Variants in ACAP2 observed in about 807,000 individuals in gnomAD.
ACAP2 encodes the protein ArfGAP with coiled-coil, ankyrin repeat and PH domains 2, also known as arf-GAP with coiled-coil, ANK repeat and PH domain-containing protein 2.
ACAP2 carries 39 observed loss-of-function variants against 115.8 expected under a neutral mutation model. The ratio of observed to expected loss-of-function variants is 0.34; its 90% CI spans 0.26 to 0.44. The LOEUF (loss-of-function observed/expected upper bound fraction) is 0.44. ACAP2 is among the 20% of genes least tolerant of loss of function. The pLI is 1.00. For synonymous variants in ACAP2, 289 were observed against 315.8 expected (o/e 0.92, Z 0.90); for missense variants, 662 against 927.6 (o/e 0.71, Z 3.72).
At chr3:195,315,236 G>A (rs1729012594) in intron 10 of ACAP2, among the ~76,000 whole-genome samples, 2 of 152,178 alleles carry the variant, frequency 1.3e-5, no homozygotes, top group Non-Finnish European at 2.9e-5. Flanking sequence ...GCCCAAGCTG[G>A]TCTCCAATTC....
chr3:195,314,784 C>T (rs1391322662), intron 10 of ACAP2, among the ~76,000 whole-genome samples: 2 of 152,158 alleles, frequency 1.3e-5, no homozygotes, highest in Non-Finnish European at 2.9e-5. Flanking sequence ...AATTAACTCA[C>T]CAATATCATA....
At chr3:195,420,330 A>T (rs1221795976) in intron 1 of ACAP2, among the ~76,000 whole-genome samples, 1 of 151,910 alleles carries the variant, frequency 6.6e-6, no homozygotes, top group African/African-American at 2.4e-5. Context: ...CATTTTCATT[A>T]TATCTTTTTC....
At chr3:195,349,108 G>A (rs999271595) in intron 4 of ACAP2, among the ~76,000 whole-genome samples, 3 of 152,100 alleles carry the variant, frequency 2.0e-5, no homozygotes, top group Non-Finnish European at 4.4e-5. Flanking sequence ...AGTTTAAGAA[G>A]GCTGTAGAAA....
intron 1 of ACAP2, among the ~76,000 whole-genome samples, chr3:195,412,370 A>G (rs1020759349): frequency 6.6e-6 from 1 of 151,516 alleles, no homozygotes; most frequent in African/African-American, 2.4e-5. Context: ...TCTTGAGGTC[A>G]GGAGTTCGAG....
At chr3:195,302,364 T>C (rs1728120199) in intron 13 of ACAP2, among the ~76,000 whole-genome samples, 190 bp from the exon 14 acceptor site, 1 of 152,190 alleles carries the variant, frequency 6.6e-6, no homozygotes, top group South Asian at 2.1e-4. Flanking sequence ...GAGCTTTTAT[T>C]CCAGTGGGGA....
At chr3:195,380,071 A>T (rs985819498) in intron 4 of ACAP2, among the ~76,000 whole-genome samples, 1 of 152,192 alleles carries the variant, frequency 6.6e-6, no homozygotes, top group Admixed American at 6.5e-5. Context: ...CTCTGTAGAA[A>T]ACAGTTTGGC....
At chr3:195,310,391 G>A (rs984795363) in intron 10 of ACAP2, among the ~76,000 whole-genome samples, 3 of 152,186 alleles carry the variant, frequency 2.0e-5, no homozygotes, top group Non-Finnish European at 2.9e-5. Flanking sequence ...CAGATAGTTG[G>A]TTAGAAATGT....
At chr3:195,305,250 G>A (rs965759983) in intron 13 of ACAP2, among the ~76,000 whole-genome samples, 3 of 151,968 alleles carry the variant, frequency 2.0e-5, no homozygotes, top group African/African-American at 4.8e-5. Context: ...CAACACACAC[G>A]GACACAAAAA....
chr3:195,357,231 T>C (rs532071806), intron 4 of ACAP2, among the ~76,000 whole-genome samples: 1 of 152,066 alleles, frequency 6.6e-6, no homozygotes, highest in African/African-American at 2.4e-5. Context: ...GTGACTCCAC[T>C]GCCTGGGGAG....
intron 4 of ACAP2, among the ~76,000 whole-genome samples, chr3:195,363,434 G>A (rs1435730801): frequency 6.6e-6 from 1 of 152,038 alleles, no homozygotes; most frequent in Non-Finnish European, 1.5e-5. Flanking sequence ...CCTGAGGTTG[G>A]GAGTTCGAGA....
intron 10 of ACAP2, among the ~76,000 whole-genome samples, chr3:195,313,483 G>A (rs1029821012): frequency 4.6e-4 from 70 of 152,104 alleles, no homozygotes; most frequent in African/African-American, 1.6e-3. Flanking sequence ...TAAAATATTA[G>A]GCAAATAAAC....
intron 1 of ACAP2, among the ~76,000 whole-genome samples, chr3:195,439,424 T>C (rs1277490319): frequency 6.6e-6 from 1 of 151,812 alleles, no homozygotes; most frequent in Non-Finnish European, 1.5e-5. Context: ...AGCGATCCTC[T>C]TGTCTCAGCC....
intron 1 of ACAP2, among the ~76,000 whole-genome samples, chr3:195,401,022 ACTCCGTCT>A (rs1712243364): frequency 6.6e-6 from 1 of 152,060 alleles, no homozygotes; most frequent in African/African-American, 2.4e-5. Context: ...GCATAGCAAG[ACTCCGTCT>A]CTGTAATTAA....
At chr3:195,420,270 CTTTA>C (rs1005068290) in intron 1 of ACAP2, among the ~76,000 whole-genome samples, 3 of 152,140 alleles carry the variant, frequency 2.0e-5, no homozygotes, top group South Asian at 4.1e-4. Flanking sequence ...AAGTTCCTAA[CTTTA>C]TTTAATGTAT....
At chr3:195,423,537 C>T (rs541173747) in intron 1 of ACAP2, among the ~76,000 whole-genome samples, 15 of 150,078 alleles carry the variant, frequency 1.0e-4, no homozygotes, top group African/African-American at 3.7e-4. Context: ...GCATGAAAAT[C>T]GCTTGAACCT....
intron 5 of ACAP2, among the ~76,000 whole-genome samples, chr3:195,343,654 G>C (rs1731013847): frequency 6.6e-6 from 1 of 152,078 alleles, no homozygotes; most frequent in Admixed American, 6.5e-5. Flanking sequence ...ATCAATTTCT[G>C]AAAGAATCGT....
At chr3:195,323,627 T>C (rs1357178728) in intron 9 of ACAP2, among the ~76,000 whole-genome samples, 1 of 152,136 alleles carries the variant, frequency 6.6e-6, no homozygotes, top group African/African-American at 2.4e-5. Context: ...GCTTTGCTAT[T>C]AGATATCAAG....
intron 9 of ACAP2, among the ~76,000 whole-genome samples, chr3:195,322,650 C>T (rs79347147): frequency 0.034 from 5,141 of 151,950 alleles, 155 homozygotes; most frequent in East Asian, 0.1. Context: ...ATTTATTTGA[C>T]GCTACAATTT....
rs775081809 is a variant in ACAP2, at chr3:195,354,905, G to A, written c.286-9588C>T. ...GGAGACAAGAGTCTCACTCCATCAC[G>A]CAGGCTGGAGTGCAATGGCATGATC... On this transcript the variant is annotated intron_variant, in intron 4 of 22. Transcript: ENST00000326793. 1.2e-4 allele frequency among the ~76,000 whole-genome samples: 18 copies of A among 152,204 alleles called. No individual in the cohort carries two copies. In the South Asian group the frequency reaches 2.7e-3, roughly 23 times the overall value.
Sources: allele counts gnomAD v4.1 joint callset (sites outside exome capture counted in the v4.1 genomes callset), GRCh38; gene constraint gnomAD v4.1.1; transcripts MANE v1.5; gene names NCBI Gene and HGNC (gene_info 2026-07-23, HGNC 2026-07-21).